Variants in CCSER1 observed in about 807,000 individuals in gnomAD.
CCSER1 encodes the protein coiled-coil serine rich protein 1, also known as serine-rich coiled-coil domain-containing protein 1.
A neutral mutation model predicts 82.0 loss-of-function variants in CCSER1; 41 were observed. The observed-to-expected ratio is 0.50, with a 90% CI of 0.39 to 0.65. The LOEUF is 0.65. Ranked by LOEUF, CCSER1 falls within the 30% of genes least tolerant of loss-of-function variation. The pLI is 0.00. For synonymous variants in CCSER1, 414 were observed against 383.9 expected (o/e 1.08, Z -0.92); for missense variants, 1,119 against 1,064.2 (o/e 1.05, Z -0.72).
In CCSER1 at chr4:90,236,139, C is replaced by T. The variant is rs186886677; in HGVS notation, c.-41-72105C>T. Reference sequence around the variant, plus strand: ...TAATTTTTTGTAGAGATGTTGCTCACGCTGCTCTTGAACTCTTGAGCTCAA... The same window carrying T: ...TAATTTTTTGTAGAGATGTTGCTCATGCTGCTCTTGAACTCTTGAGCTCAA... On this transcript the variant is annotated intron_variant, in intron 1 of 10. Coordinates refer to ENST00000509176, the MANE Select transcript of CCSER1 (RefSeq NM_001145065.2). Among the ~76,000 whole-genome samples the T allele has an allele frequency of 3.5e-3, 537 of 152,174 alleles. 3 individuals are homozygous for T. The highest frequency in any genetic ancestry group is 0.012 in the African/African-American group (508 of 41,518).
chr4:91,569,110 A>T (rs1437284440), intron 10 of CCSER1, among the ~76,000 whole-genome samples: 1 of 152,168 alleles, frequency 6.6e-6, no homozygotes, highest in East Asian at 1.9e-4. Context: ...GTGGTACATT[A>T]GTGAGGTATT....
At chr4:90,687,342 T>C (rs185517593) in intron 6 of CCSER1, among the ~76,000 whole-genome samples, 3 of 152,194 alleles carry the variant, frequency 2.0e-5, no homozygotes, top group Admixed American at 6.6e-5. Context: ...TTCTGGAAAA[T>C]TTTCAGGAGA....
intron 5 of CCSER1, among the ~76,000 whole-genome samples, chr4:90,592,858 A>C (rs1782875489): frequency 6.6e-6 from 1 of 152,258 alleles, no homozygotes; most frequent in South Asian, 2.1e-4. Context: ...TCAGACTTCA[A>C]ATTCTGGCTG....
At chr4:91,449,702 A>G (rs1755767737) in intron 10 of CCSER1, among the ~76,000 whole-genome samples, 1 of 151,960 alleles carries the variant, frequency 6.6e-6, no homozygotes. Flanking sequence ...AAAATTATTT[A>G]TTTAAATTAA....
chr4:90,909,961 A>T (rs910154370), intron 8 of CCSER1, among the ~76,000 whole-genome samples: 1 of 152,184 alleles, frequency 6.6e-6, no homozygotes, highest in African/African-American at 2.4e-5. Context: ...GAGACTGGGT[A>T]ATTTGTAAAG....
At chr4:91,156,972 G>A (rs760835314) in intron 10 of CCSER1, among the ~76,000 whole-genome samples, 12 of 151,796 alleles carry the variant, frequency 7.9e-5, no homozygotes, top group Non-Finnish European at 1.5e-4. Flanking sequence ...TTCCATGTAC[G>A]ACGTTACTGA....
chr4:91,401,762 G>C (rs941935061), intron 10 of CCSER1, among the ~76,000 whole-genome samples: 2 of 152,100 alleles, frequency 1.3e-5, no homozygotes, highest in African/African-American at 2.4e-5. Flanking sequence ...GTATTCCATG[G>C]TGTATATGTG....
intron 1 of CCSER1, among the ~76,000 whole-genome samples, chr4:90,235,863 A>C (rs1273594729): frequency 6.6e-6 from 1 of 152,230 alleles, no homozygotes; most frequent in Non-Finnish European, 1.5e-5. Context: ...ACTCAGAAGA[A>C]GGGCAATAGT....
chr4:90,323,453 A>T (rs1316941258), intron 3 of CCSER1, among the ~76,000 whole-genome samples: 1 of 152,162 alleles, frequency 6.6e-6, no homozygotes, highest in Non-Finnish European at 1.5e-5. Flanking sequence ...CTCTGGCAGG[A>T]GGGGAAACCT....
chr4:91,136,426 T>C (rs1728475167), intron 10 of CCSER1, among the ~76,000 whole-genome samples: 1 of 152,228 alleles, frequency 6.6e-6, no homozygotes. Context: ...TGCTGTGTTA[T>C]CATCAACCTG....
intron 1 of CCSER1, among the ~76,000 whole-genome samples, chr4:90,266,120 T>C (rs1725187243): frequency 6.6e-6 from 1 of 152,166 alleles, no homozygotes; most frequent in African/African-American, 2.4e-5. Context: ...ATATTATAAT[T>C]ATCATCATAA....
At chr4:91,388,172 C>A (rs560216442) in intron 10 of CCSER1, among the ~76,000 whole-genome samples, 2 of 152,048 alleles carry the variant, frequency 1.3e-5, no homozygotes, top group Non-Finnish European at 2.9e-5. Context: ...TGAATCACCA[C>A]ACCCAGCTTG....
intron 1 of CCSER1, among the ~76,000 whole-genome samples, chr4:90,234,404 A>T (rs530776728): frequency 1.1e-3 from 172 of 152,206 alleles, no homozygotes; most frequent in Non-Finnish European, 1.9e-3. Context: ...TTTAGTAGAG[A>T]TGAGGTTTCA....
chr4:90,575,007 TA>T (rs1272753955), intron 5 of CCSER1, among the ~76,000 whole-genome samples: 1 of 150,078 alleles, frequency 6.7e-6, no homozygotes. Flanking sequence ...CTCAAATTGT[TA>T]TCTACTGCCT....
At chr4:91,418,855 A>C (rs1196219716) in intron 10 of CCSER1, among the ~76,000 whole-genome samples, 1 of 152,022 alleles carries the variant, frequency 6.6e-6, no homozygotes, top group South Asian at 2.1e-4. Context: ...AGAAAATGCT[A>C]GCAAACCAAA....
At chr4:91,507,831 A>G (rs996338797) in intron 10 of CCSER1, among the ~76,000 whole-genome samples, 2 of 151,882 alleles carry the variant, frequency 1.3e-5, no homozygotes, top group Admixed American at 6.6e-5. Context: ...CTTCAAGATT[A>G]TGAAGGCATT....
rs1297881098 is a variant in CCSER1, at chr4:91,380,368, T to C, written c.2218-218204T>C. On this transcript the variant is annotated intron_variant, in intron 10 of 10. Coordinates refer to ENST00000509176, the MANE Select transcript of CCSER1 (RefSeq NM_001145065.2). ...GAGGTGTTAAAGTCTCCCATTATTA[T>C]TGTGTGGGAGTCTAAGTCTCTTTGT... Among the ~76,000 whole-genome samples the C allele has an allele frequency of 3.3e-5, 5 of 152,264 alleles. No individual in the cohort carries two copies. The East Asian group carries it at 9.7e-4, about 29-fold the overall frequency.
rs555044020 is a variant in CCSER1 at position 90,278,954 on chromosome 4, A to G, written c.-41-29290A>G. ...TATTTAATGACCCTAGGGTTTTTCC[A>G]TAAGCGTAGGTTTATACCTGGGAAA... On this transcript the variant is annotated intron_variant, in intron 1 of 10. Coordinates refer to ENST00000509176, the MANE Select transcript of CCSER1 (RefSeq NM_001145065.2). 4.6e-5 allele frequency among the ~76,000 whole-genome samples: 7 copies of G among 152,234 alleles called. No individual in the cohort carries two copies. The South Asian group carries it at 8.3e-4, about 18-fold the overall frequency.
At chr4:90,474,812 A>G (rs937563158) in intron 5 of CCSER1, among the ~76,000 whole-genome samples, 1 of 152,148 alleles carries the variant, frequency 6.6e-6, no homozygotes, top group East Asian at 1.9e-4. Flanking sequence ...GTATTTATGA[A>G]CCTTGGCAAG....
Sources: allele counts gnomAD v4.1 joint callset (sites outside exome capture counted in the v4.1 genomes callset), GRCh38; gene constraint gnomAD v4.1.1; transcripts MANE v1.5; gene names NCBI Gene and HGNC (gene_info 2026-07-23, HGNC 2026-07-21).